ZNF28: variants seen among roughly 807,000 people sequenced by gnomAD.
ZNF28 encodes zinc finger protein KOX24.
A neutral mutation model predicts 7.2 loss-of-function variants in ZNF28; 5 were observed. That is an observed-to-expected ratio of 0.70 (90% CI 0.36 to 1.46). The LOEUF is 1.46. ZNF28 is among the 40% of genes most tolerant of loss of function. The pLI, the probability that ZNF28 is intolerant of heterozygous loss-of-function variation, is 0.03. For missense variants in ZNF28, 879 were observed against 866.6 expected, an observed-to-expected ratio of 1.01 and a Z score of -0.18; for synonymous variants, 288 against 292.4, an observed-to-expected ratio of 0.99 and a Z score of 0.15.
chr19:52,808,809 T>C (rs2062972829), intron 2 of ZNF28, among the ~76,000 whole-genome samples: 1 of 151,934 alleles, frequency 6.6e-6, no homozygotes, highest in South Asian at 2.1e-4. Flanking sequence ...CGAGACCCCA[T>C]CTCAAAATAA....
intron 2 of ZNF28, among the ~76,000 whole-genome samples, chr19:52,816,030 G>A (rs1250486511): frequency 6.8e-6 from 1 of 146,640 alleles, no homozygotes; most frequent in Admixed American, 6.9e-5. Context: ...AGAAATACAC[G>A]TGTACGAGAC....
At chr19:52,816,703 G>A (rs1176781732) in intron 2 of ZNF28, among the ~76,000 whole-genome samples, 7 of 102,642 alleles carry the variant, frequency 6.8e-5, no homozygotes, top group African/African-American at 2.1e-4. Flanking sequence ...ATGGTGGCGC[G>A]CACCTATAAT....
intron 2 of ZNF28, chr19:52,810,156 A>C: frequency 7.5e-6 from 7 of 927,668 alleles, no homozygotes; most frequent in Non-Finnish European, 1.1e-5. Context: ...GCTGGAAGCT[A>C]TCGAAGCTGG....
chr19:52,812,653 A>T (rs1371785926), intron 2 of ZNF28, among the ~76,000 whole-genome samples: 1 of 133,236 alleles, frequency 7.5e-6, no homozygotes. Flanking sequence ...ACCTCTGCCT[A>T]GGAAAACCAG....
At position 52,815,266 on chromosome 19, in the gene ZNF28, A is replaced by G. The variant is rs1454785008; in HGVS notation, c.15+2678T>C. Among the ~76,000 whole-genome samples the G allele has an allele frequency of 3.4e-5, 5 of 145,458 alleles. 1 individual carries two copies. The highest frequency in any genetic ancestry group is 5.4e-5 in the African/African-American group (2 of 37,194). ...CACAGTGGCTCACACCTGTAATCTC[A>G]GCACTTTGGGAGGCTGAGGCTGCTG... is the stretch of plus-strand genomic sequence containing the variant. On this transcript the variant is annotated intron_variant, in intron 2 of 3. Transcript: ENST00000457749.
At chr19:52,818,482 G>A (rs1290112198) in intron 1 of ZNF28, among the ~76,000 whole-genome samples, 1 of 152,116 alleles carries the variant, frequency 6.6e-6, no homozygotes, top group Non-Finnish European at 1.5e-5. Flanking sequence ...AAAGGCCGAG[G>A]TGGGTGGATT....
intron 2 of ZNF28, among the ~76,000 whole-genome samples, chr19:52,811,592 T>C (rs1374862546): frequency 1.4e-4 from 20 of 143,718 alleles, no homozygotes; most frequent in Middle Eastern, 7.5e-3. Context: ...CAACCCTGTC[T>C]GGGAGGTGAG....
chr19:52,806,345 C>G (rs2062936650), intron 3 of ZNF28, among the ~76,000 whole-genome samples: 1 of 151,970 alleles, frequency 6.6e-6, no homozygotes, highest in African/African-American at 2.4e-5. Flanking sequence ...AGCCACCCAC[C>G]ACGGCGCCTG....
At chr19:52,812,942 G>A (rs1390059438) in intron 2 of ZNF28, among the ~76,000 whole-genome samples, 3 of 151,370 alleles carry the variant, frequency 2.0e-5, no homozygotes, top group African/African-American at 7.3e-5. Context: ...GATAGCAGGT[G>A]AAATTCCACA....
intron 2 of ZNF28, among the ~76,000 whole-genome samples, chr19:52,810,970 G>C (rs1158541251): frequency 3.6e-5 from 5 of 137,364 alleles, no homozygotes; most frequent in African/African-American, 1.1e-4. Flanking sequence ...CTGCCATCTC[G>C]GCTCACTGCA....
Position 52,798,934 on chromosome 19 carries a change from G to C in ZNF28, c.*754C>G. 7.0e-7 allele frequency: 1 copy of C among 1,424,336 alleles called. No individual in the cohort carries two copies. The highest frequency in any genetic ancestry group is 9.5e-7 in the Non-Finnish European group (1 of 1,055,480). 88.2% of individuals were successfully genotyped at this position (1,424,336 alleles called of 1,614,324 possible). On this transcript the variant is annotated 3_prime_UTR_variant, in exon 4 of 4. Coordinates refer to ENST00000457749, the MANE Select transcript of ZNF28 (RefSeq NM_006969.5). Reference sequence around the variant, plus strand: ...AGGCTTTGCCACACTCATTGCACTTGTAAGGTTTCTCTCCAGTGTGAATTC... The same window carrying C: ...AGGCTTTGCCACACTCATTGCACTTCTAAGGTTTCTCTCCAGTGTGAATTC...
At chr19:52,804,865 C>A (rs1054904157) in intron 3 of ZNF28, among the ~76,000 whole-genome samples, 2 of 152,196 alleles carry the variant, frequency 1.3e-5, no homozygotes, top group Non-Finnish European at 2.9e-5. Context: ...AGCATCTCAT[C>A]ATCAACATCA....
chr19:52,801,183 C>A lies in ZNF28; in HGVS notation c.662G>T (p.Gly221Val). ...AAGTGAGCTACAATTAAAGGATTTG[C>A]CACTCTCAATACATTGGAAAGATTT... is the stretch of plus-strand genomic sequence containing the variant. Reference protein sequence around the residue: ...REKSFQCIESGKSFNCSSLLK... With the variant: ...REKSFQCIESVKSFNCSSLLK... The change falls in exon 4 of 4, where the codon GGC becomes GTC. Residue 221 changes from glycine to valine, a missense_variant. Physicochemically the swap from Gly to Val is moderately radical, Grantham distance 109. Coordinates refer to ENST00000457749, the MANE Select transcript of ZNF28 (RefSeq NM_006969.5). The A allele has an allele frequency of 6.2e-7, 1 of 1,614,032 alleles. No homozygotes were observed. Among genetic ancestry groups the A allele is most frequent in the Non-Finnish European group, 8.5e-7 (1 of 1,180,024 alleles).
chr19:52,813,289 C>CA (rs1821077456), intron 2 of ZNF28, among the ~76,000 whole-genome samples: 1 of 114,670 alleles, frequency 8.7e-6, no homozygotes, highest in African/African-American at 3.2e-5. Context: ...TGTGGAAGGA[C>CA]AGAGAATCCC....
intron 2 of ZNF28, among the ~76,000 whole-genome samples, chr19:52,815,907 T>C (rs1326597665): frequency 6.8e-6 from 1 of 146,972 alleles, no homozygotes; most frequent in African/African-American, 2.6e-5. Flanking sequence ...ATGACGTGAG[T>C]TTGCCTCTGT....
rs1467938836 is a variant in ZNF28 at position 52,820,369 on chromosome 19, G to A, written c.-74+1217C>T. Reference sequence around the variant, plus strand: ...CCTGACCTCATGATCCACCCGCCTCGGCCTCCCAAAGTGCTGGGATTACAG... The same window carrying A: ...CCTGACCTCATGATCCACCCGCCTCAGCCTCCCAAAGTGCTGGGATTACAG... On this transcript the variant is annotated intron_variant, in intron 1 of 3. Transcript: ENST00000457749. 2.2e-5 allele frequency among the ~76,000 whole-genome samples: 3 copies of A among 134,578 alleles called. 1 individual carries two copies. Among genetic ancestry groups the A allele is most frequent in the East Asian group, 2.2e-4 (1 of 4,586 alleles). 88.3% of individuals were successfully genotyped at this position (134,578 alleles called of 152,430 possible).
chr19:52,810,232 G>A lies in ZNF28; in HGVS notation c.16-2099C>T. ...CTACAGAACGACGTAGAGAAGCAGA[G>A]GAATATGAGTCTACCTCCAGGCAAT... On this transcript the variant is annotated intron_variant, in intron 2 of 3. Coordinates refer to ENST00000457749, the MANE Select transcript of ZNF28 (RefSeq NM_006969.5). 3.4e-6 allele frequency: 4 copies of A among 1,171,846 alleles called. No individual in the cohort carries two copies. The South Asian group carries it at 3.6e-5, about 11-fold the overall frequency. 72.6% of individuals were successfully genotyped at this position (1,171,846 alleles called of 1,614,324 possible). A position where few individuals can be genotyped will look rare whatever the true frequency, so the allele number is the denominator to read the frequency against.
intron 2 of ZNF28, among the ~76,000 whole-genome samples, chr19:52,817,151 T>A (rs2063136864): frequency 6.6e-6 from 1 of 152,104 alleles, no homozygotes; most frequent in Non-Finnish European, 1.5e-5. Flanking sequence ...AGTAGGCGGA[T>A]CGCCTGAGGT....
At chr19:52,806,791 A>G (rs541725780) in intron 3 of ZNF28, among the ~76,000 whole-genome samples, 26 of 151,942 alleles carry the variant, frequency 1.7e-4, no homozygotes, top group Non-Finnish European at 3.5e-4. Context: ...AGTTCCAGCT[A>G]CTCAGGAATC....
Sources: gnomAD v4.1 joint callset for allele counts (sites outside exome capture counted in the v4.1 genomes callset) on GRCh38, gnomAD v4.1.1 for gene constraint, MANE v1.5 for transcripts, NCBI Gene and HGNC (gene_info 2026-07-23, HGNC 2026-07-21) for gene names.